Variants in DTNA observed in about 807,000 individuals in gnomAD.
DTNA encodes the protein dystrobrevin alpha, also known as dystrophin-related protein 3.
A neutral mutation model predicts 100.7 loss-of-function variants in DTNA; 43 were observed. The observed-to-expected ratio is 0.43, with a 90% CI of 0.33 to 0.55. The LOEUF (loss-of-function observed/expected upper bound fraction) is 0.55. Ranked by LOEUF, DTNA falls within the 20% of genes least tolerant of loss-of-function variation. The pLI is 0.04. For synonymous variants in DTNA, 349 were observed against 347.9 expected (o/e 1.00, Z -0.04); for missense variants, 798 against 953.9 (o/e 0.84, Z 2.15).
chr18:34,863,630 G>T (rs762781105), intron 16 of DTNA, among the ~76,000 whole-genome samples: 1 of 152,198 alleles, frequency 6.6e-6, no homozygotes, highest in Non-Finnish European at 1.5e-5. Flanking sequence ...TTTGGTTTTT[G>T]TTTGTTTCAA....
intron 1 of DTNA, among the ~76,000 whole-genome samples, chr18:34,503,692 T>G (rs2040187958): frequency 6.6e-6 from 1 of 152,138 alleles, no homozygotes. Flanking sequence ...AGTGCTTAAA[T>G]CTGCCATTTT....
At chr18:34,527,954 A>G (rs993889674) in intron 1 of DTNA, among the ~76,000 whole-genome samples, 1 of 152,164 alleles carries the variant, frequency 6.6e-6, no homozygotes, top group Non-Finnish European at 1.5e-5. Flanking sequence ...TTTTATGCCC[A>G]GCCTTTAGTA....
intron 1 of DTNA, among the ~76,000 whole-genome samples, chr18:34,562,466 G>A (rs555590816): frequency 1.3e-5 from 2 of 152,328 alleles, no homozygotes; most frequent in African/African-American, 4.8e-5. Flanking sequence ...TCAGTCAGAA[G>A]TTAATAATAG....
chr18:34,583,661 G>A (rs1352567041), intron 1 of DTNA, among the ~76,000 whole-genome samples: 1 of 151,780 alleles, frequency 6.6e-6, no homozygotes, highest in African/African-American at 2.4e-5. Flanking sequence ...AGAAACCCAG[G>A]TGTCTGCAGA....
intron 1 of DTNA, among the ~76,000 whole-genome samples, chr18:34,701,255 A>G (rs1388871951): frequency 6.6e-6 from 1 of 152,060 alleles, no homozygotes; most frequent in Non-Finnish European, 1.5e-5. Flanking sequence ...CTGTTCCTCA[A>G]CATTCCCCCA....
chr18:34,738,840 T>C (rs1447531179), intron 1 of DTNA, among the ~76,000 whole-genome samples: 1 of 152,194 alleles, frequency 6.6e-6, no homozygotes, highest in African/African-American at 2.4e-5. Flanking sequence ...CTAGAGAAAG[T>C]TTCCGAGATC....
rs149496243 is a variant in DTNA, at chr18:34,855,995, A to T, written c.1533-2290A>T. Among the ~76,000 whole-genome samples the T allele has an allele frequency of 1.7e-4, 26 of 152,302 alleles. No homozygotes were observed. The East Asian group carries it at 3.9e-3, about 23-fold the overall frequency. ...AGCATGAAGCACCATGAAGGCCCCA[A>T]CAACCCTGGCCATGCCTTAATATCA... On this transcript the variant is annotated intron_variant, in intron 15 of 22. Coordinates refer to ENST00000444659, the MANE Select transcript of DTNA (RefSeq NM_001386795.1).
At chr18:34,882,276 T>G in intron 21 of DTNA, 75 bp downstream of exon 21, 1 of 1,578,408 alleles carries the variant, frequency 6.3e-7, no homozygotes, top group Non-Finnish European at 8.6e-7. Context: ...TGACATGACT[T>G]GCAGAATCAG....
At chr18:34,595,281 G>A (rs1174159226) in intron 1 of DTNA, among the ~76,000 whole-genome samples, 1 of 152,076 alleles carries the variant, frequency 6.6e-6, no homozygotes, top group Non-Finnish European at 1.5e-5. Flanking sequence ...ACACATGTAG[G>A]CATACCTTTT....
intron 1 of DTNA, among the ~76,000 whole-genome samples, chr18:34,572,904 A>C (rs16965471): frequency 0.1 from 15,574 of 152,224 alleles, 1,165 homozygotes; most frequent in African/African-American, 0.2. Context: ...CAGATATAAG[A>C]TCAAATTTAT....
chr18:34,539,287 A>G (rs1466467864), intron 1 of DTNA, among the ~76,000 whole-genome samples: 1 of 151,964 alleles, frequency 6.6e-6, no homozygotes, highest in South Asian at 2.1e-4. Context: ...GAATATGAAG[A>G]TGTTTGTCCA....
chr18:34,813,443 C>CAA (rs60685560), intron 6 of DTNA, among the ~76,000 whole-genome samples: 45 of 115,714 alleles, frequency 3.9e-4, no homozygotes, highest in Middle Eastern at 4.5e-3. Context: ...GGCCCTGTCT[C>CAA]AAAAAAAAAA....
intron 21 of DTNA, among the ~76,000 whole-genome samples, chr18:34,882,971 G>A (rs2096887848): frequency 6.6e-6 from 1 of 152,174 alleles, no homozygotes; most frequent in East Asian, 1.9e-4. Flanking sequence ...GGGAACTGCA[G>A]GCCTGTGTTC....
chr18:34,813,424 A>G (rs1464209242), intron 6 of DTNA, among the ~76,000 whole-genome samples: 4 of 150,468 alleles, frequency 2.7e-5, no homozygotes, highest in Admixed American at 2.6e-4. Context: ...AGCCTGGGCG[A>G]CAGAGCAAGG....
intron 19 of DTNA, among the ~76,000 whole-genome samples, chr18:34,878,574 G>A (rs1202585960): frequency 6.6e-6 from 1 of 152,038 alleles, no homozygotes; most frequent in East Asian, 1.9e-4. Context: ...CCGAAGTGCT[G>A]GGATTCCCAG....
At chr18:34,516,236 A>G (rs1305651297) in intron 1 of DTNA, among the ~76,000 whole-genome samples, 1 of 152,160 alleles carries the variant, frequency 6.6e-6, no homozygotes, top group Non-Finnish European at 1.5e-5. Flanking sequence ...CTGCAAAACT[A>G]GCAAGTTTTT....
intron 1 of DTNA, among the ~76,000 whole-genome samples, chr18:34,585,385 TATC>T (rs1229617831): frequency 1.3e-5 from 2 of 152,140 alleles, no homozygotes; most frequent in African/African-American, 4.8e-5. Context: ...ATGCAACTAA[TATC>T]AGGAAAAAGA....
chr18:34,859,015 T>C (rs1403606346), intron 16 of DTNA, among the ~76,000 whole-genome samples: 1 of 152,252 alleles, frequency 6.6e-6, no homozygotes, highest in African/African-American at 2.4e-5. Context: ...TTTTTAAATT[T>C]AAAAATTTAC....
intron 1 of DTNA, among the ~76,000 whole-genome samples, chr18:34,752,475 A>G (rs2092403329): frequency 2.0e-5 from 3 of 152,306 alleles, no homozygotes; most frequent in Non-Finnish European, 4.4e-5. Flanking sequence ...TGTTGAACTC[A>G]TGAGCTTACT....
Sources: allele counts gnomAD v4.1 joint callset (sites outside exome capture counted in the v4.1 genomes callset), GRCh38; gene constraint gnomAD v4.1.1; transcripts MANE v1.5; gene names NCBI Gene and HGNC (gene_info 2026-07-23, HGNC 2026-07-21).